Variants in GPR83 observed in about 807,000 individuals in gnomAD.
GPR83 encodes the protein G protein-coupled receptor 83.
GPR83 carries 23 observed loss-of-function variants against 28.0 expected under a neutral mutation model. That is an observed-to-expected ratio of 0.82 (90% CI 0.59 to 1.16). The LOEUF (loss-of-function observed/expected upper bound fraction) is 1.16, where lower values mean the gene tolerates loss of function less well. GPR83 is among the 50% of genes most tolerant of loss of function. The pLI is 0.00. For synonymous variants in GPR83, 234 were observed against 215.4 expected, an observed-to-expected ratio of 1.09 and a Z score of -0.76; for missense variants, 610 against 536.6, an observed-to-expected ratio of 1.14 and a Z score of -1.35.
chr11:94,390,559 T>C (rs1944807635), intron 3 of GPR83, among the ~76,000 whole-genome samples: 1 of 152,200 alleles, frequency 6.6e-6, no homozygotes, highest in Non-Finnish European at 1.5e-5. Flanking sequence ...GACATGATTG[T>C]GTATTTAGAA....
At position 94,380,437 on chromosome 11, in the gene GPR83, A is replaced by G. The variant is rs745781637; in HGVS notation, c.984T>C (p.Phe328=). 1.2e-6 allele frequency: 2 copies of G among 1,614,092 alleles called. No individual in the cohort carries two copies. The highest frequency in any genetic ancestry group is 2.7e-5 in the African/African-American group (2 of 74,948). ...KVIRTNNALY[F]AFHWFAMSST... ...TGCTCATGGCAAACCAGTGGAAGGC[A>G]AAGTAGAGGGCATTGTTGGTGCGGA... Residue 328 remains phenylalanine, a synonymous_variant, in exon 4 of 4, where the codon TTT becomes TTC. Coordinates refer to ENST00000243673, the MANE Select transcript of GPR83 (RefSeq NM_016540.4).
intron 3 of GPR83, among the ~76,000 whole-genome samples, chr11:94,381,403 G>C (rs1437020234): frequency 6.6e-6 from 1 of 151,892 alleles, no homozygotes; most frequent in Non-Finnish European, 1.5e-5. Context: ...AGTCCTCCGT[G>C]TGGAAAGGTA....
intron 3 of GPR83, among the ~76,000 whole-genome samples, chr11:94,388,955 G>C (rs890847820): frequency 7.2e-5 from 11 of 152,250 alleles, no homozygotes; most frequent in African/African-American, 2.6e-4. Context: ...AAAACAGCAT[G>C]GTACTGGTAC....
At chr11:94,399,417 G>A (rs1359792118) in intron 1 of GPR83, among the ~76,000 whole-genome samples, 1 of 152,176 alleles carries the variant, frequency 6.6e-6, no homozygotes, top group African/African-American at 2.4e-5. Flanking sequence ...CTGGTTAGTG[G>A]ACCGACCTCT....
At position 94,377,477 on chromosome 11, in the gene GPR83, A is replaced by C. The variant is rs1488406981; in HGVS notation, c.*2672T>G. On this transcript the variant is annotated 3_prime_UTR_variant, in exon 4 of 4. Coordinates refer to ENST00000243673, the MANE Select transcript of GPR83 (RefSeq NM_016540.4). The stretch of plus-strand genomic sequence containing the variant: ...CCTCGGGGAAGGGACAGATCTAATG[A>C]GCCATCAGTGGGTTCTCCCCAGAGT... The C allele has an allele frequency of 6.6e-6, 1 of 152,088 alleles. No homozygotes were observed. Among genetic ancestry groups the C allele is most frequent in the Non-Finnish European group, 1.5e-5 (1 of 68,042 alleles). The allele number at this position is 152,088 out of a possible 1,614,324, so 9.4% of individuals were successfully genotyped here. A position where few individuals can be genotyped will look rare whatever the true frequency, so the allele number is the denominator to read the frequency against.
chr11:94,380,128 A>G lies in GPR83; in HGVS notation c.*21T>C, dbSNP rs199759506. ...CCTCAGGTGGAGACAGACCCCTCCC[A>G]CTCCCTCTTCCCAACCTCTTCTAAC... On this transcript the variant is annotated 3_prime_UTR_variant, in exon 4 of 4. Transcript: ENST00000243673. 90 of 1,500,318 alleles carry G rather than the reference A, an allele frequency of 6.0e-5. No individual in the cohort carries two copies. The highest frequency in any genetic ancestry group is 1.2e-4 in the Admixed American group (5 of 43,116). 92.9% of individuals were successfully genotyped at this position (1,500,318 alleles called of 1,614,324 possible). A position where few individuals can be genotyped will look rare whatever the true frequency, so the allele number is the denominator to read the frequency against.
At chr11:94,396,609 T>C (rs1317347684) in intron 1 of GPR83, 85 bp from the exon 2 acceptor site, 20 of 1,364,810 alleles carry the variant, frequency 1.5e-5, no homozygotes, top group Non-Finnish European at 2.0e-5. Context: ...AGCATGCCCT[T>C]AGGGGGATTC....
Position 94,396,328 on chromosome 11 carries a change from G to A in GPR83, c.513+71C>T, listed in dbSNP as rs1051638947. 1.4e-5 allele frequency: 21 copies of A among 1,486,628 alleles called. No individual in the cohort carries two copies. The African/African-American group carries it at 2.9e-4, about 21-fold the overall frequency. The allele number at this position is 1,486,628 out of a possible 1,614,324, so 92.1% of individuals were successfully genotyped here. A position where few individuals can be genotyped will look rare whatever the true frequency, so the allele number is the denominator to read the frequency against. Reference sequence around the variant, plus strand: ...AAACTGGGCTAAAACACTGTCTTCAGAGCCCCTGCAACTTCCAGGAAAGGG... The same window carrying A: ...AAACTGGGCTAAAACACTGTCTTCAAAGCCCCTGCAACTTCCAGGAAAGGG... On this transcript the variant is annotated intron_variant, in intron 2 of 3. Coordinates refer to ENST00000243673, the MANE Select transcript of GPR83 (RefSeq NM_016540.4).
Position 94,383,587 on chromosome 11 carries a change from G to GC in GPR83, c.648-2815_648-2814insG, listed in dbSNP as rs1944715791. The stretch of plus-strand genomic sequence containing the variant: ...GATCAACAAACTTGATAGACCACTA[G>GC]AAGACTAATAAAGAAGAAAAGAGAG... On this transcript the variant is annotated intron_variant, in intron 3 of 3. Transcript: ENST00000243673. Among the ~76,000 whole-genome samples, 9 of 152,048 alleles carry GC rather than the reference G, an allele frequency of 5.9e-5. No individual in the cohort carries two copies. The South Asian group carries it at 1.9e-3, about 32-fold the overall frequency.
Position 94,378,715 on chromosome 11 carries a change from A to C in GPR83, c.*1434T>G, listed in dbSNP as rs542448551. The C allele has an allele frequency of 7.2e-5, 11 of 152,764 alleles. No homozygotes were observed. The highest frequency in any genetic ancestry group is 6.5e-4 in the Admixed American group (10 of 15,302). 9.5% of individuals were successfully genotyped at this position (152,764 alleles called of 1,614,324 possible). On this transcript the variant is annotated 3_prime_UTR_variant, in exon 4 of 4. Transcript: ENST00000243673. ...ACACAGCGAAATGGCCTTTCTAGACAGCTTGGGAGGATGAGGTGTCTAAGC... is the reference window on the plus strand; with the variant it reads ...ACACAGCGAAATGGCCTTTCTAGACCGCTTGGGAGGATGAGGTGTCTAAGC...
chr11:94,390,410 C>T (rs1187150186), intron 3 of GPR83, among the ~76,000 whole-genome samples: 1 of 151,996 alleles, frequency 6.6e-6, no homozygotes, highest in African/African-American at 2.4e-5. Flanking sequence ...TGAAAACTGG[C>T]ATAAAATAAG....
chr11:94,392,429 C>T (rs1174923652), intron 3 of GPR83, among the ~76,000 whole-genome samples: 2 of 151,998 alleles, frequency 1.3e-5, no homozygotes, highest in African/African-American at 4.8e-5. Flanking sequence ...CACAAAACTG[C>T]ACATTGTGTA....
chr11:94,399,112 C>T (rs1944889960), intron 1 of GPR83, among the ~76,000 whole-genome samples: 1 of 152,168 alleles, frequency 6.6e-6, no homozygotes, highest in Admixed American at 6.5e-5. Context: ...AGGCCATGTT[C>T]TGTGGCTTCC....
chr11:94,390,597 C>T (rs11020763), intron 3 of GPR83, among the ~76,000 whole-genome samples: 80,872 of 151,928 alleles, frequency 0.53, 22,020 homozygotes, highest in East Asian at 0.64. Context: ...CCAAAATCTC[C>T]TTAAGCTGAT....
At chr11:94,380,941 C>T (rs540660932) in intron 3 of GPR83, among the ~76,000 whole-genome samples, 168 bp from the exon 4 acceptor site, 2 of 152,272 alleles carry the variant, frequency 1.3e-5, no homozygotes, top group Admixed American at 6.5e-5. Flanking sequence ...ACATTTCTAC[C>T]TCCCCCACTA....
chr11:94,388,059 A>G (rs970439533), intron 3 of GPR83, among the ~76,000 whole-genome samples: 3 of 152,200 alleles, frequency 2.0e-5, no homozygotes, highest in Non-Finnish European at 4.4e-5. Context: ...TATAAACAGA[A>G]CCAATGACAA....
intron 1 of GPR83, among the ~76,000 whole-genome samples, chr11:94,400,380 T>G (rs1591610087): frequency 6.8e-6 from 1 of 147,734 alleles, no homozygotes. Context: ...CAGAAAAAAG[T>G]GGGGAGAAAT....
chr11:94,388,905 G>T (rs540692692), intron 3 of GPR83, among the ~76,000 whole-genome samples: 17 of 152,238 alleles, frequency 1.1e-4, no homozygotes, highest in Admixed American at 9.8e-4. Context: ...GAGGCATCAT[G>T]CTACCTGACT....
At position 94,380,631 on chromosome 11, in the gene GPR83, T is replaced by C. The variant is rs1944677590; in HGVS notation, c.790A>G (p.Lys264Glu). Residue 264 changes from lysine (K) to glutamate (E), a missense_variant, in exon 4 of 4, where the codon AAG becomes GAG. Lys to Glu is a moderately conservative substitution (Grantham distance 56). Coordinates refer to ENST00000243673, the MANE Select transcript of GPR83 (RefSeq NM_016540.4). ...ATCATATTACACAGCCACAGTTTCT[T>C]GGCCACACGAGCGTAGGCCACAGAG... ...IISVAYARVAKKLWLCNMIGD... is the reference protein window; with the variant it reads ...IISVAYARVAEKLWLCNMIGD... 3.7e-6 allele frequency: 6 copies of C among 1,614,078 alleles called. No individual in the cohort carries two copies. The highest frequency in any genetic ancestry group is 5.1e-6 in the Non-Finnish European group (6 of 1,179,996).
Sources: gnomAD v4.1 joint callset for allele counts (sites outside exome capture counted in the v4.1 genomes callset) on GRCh38, gnomAD v4.1.1 for gene constraint, MANE v1.5 for transcripts, NCBI Gene and HGNC (gene_info 2026-07-23, HGNC 2026-07-21) for gene names.